The following CFAP47 variants were observed in gnomAD, a reference collection of about 807,000 sequenced individuals.
The protein encoded by CFAP47 is cilia- and flagella-associated protein 47.
In CFAP47, 29 loss-of-function variants were observed where a neutral mutation model predicts 148.1. The observed-to-expected ratio is 0.20, with a 90% CI of 0.15 to 0.27. CFAP47 has a LOEUF of 0.27. Ranked by LOEUF, CFAP47 falls within the 10% of genes least tolerant of loss-of-function variation. CFAP47 has a pLI of 1.00. For synonymous variants in CFAP47, 664 were observed against 577.3 expected (o/e 1.15, Z -2.15); for missense variants, 1,872 against 1,697.5 (o/e 1.10, Z -1.81).
intron 33 of CFAP47, among the ~76,000 whole-genome samples, chrX:36,121,298 G>A (rs1174280099): frequency 1.8e-5 from 2 of 110,122 alleles, no homozygotes; most frequent in Non-Finnish European, 3.8e-5. Flanking sequence ...ATTGAGTATT[G>A]TTTTTTATTA....
rs1263978041 is a variant in CFAP47 at position 35,972,022 on chromosome X, T to C, written c.2254+57T>C. Reference sequence around the variant, plus strand: ...TATTTTTTTATAAAAAAAAGATTTCTTAAAGTGTAATTTATATTTCATAAA... The same window carrying C: ...TATTTTTTTATAAAAAAAAGATTTCCTAAAGTGTAATTTATATTTCATAAA... On this transcript the variant is annotated intron_variant, in intron 13 of 63. Transcript: ENST00000378653. 6.6e-6 allele frequency: 5 copies of C among 759,225 alleles called. No individual in the cohort carries two copies. The Admixed American group carries it at 1.7e-4, about 26-fold the overall frequency. The allele number at this position is 759,225 out of a possible 1,213,427, so 62.6% of individuals were successfully genotyped here. A position where few individuals can be genotyped will look rare whatever the true frequency, so the allele number is the denominator to read the frequency against.
chrX:36,058,483 C>T (rs5973567), intron 26 of CFAP47, among the ~76,000 whole-genome samples: 9,138 of 111,148 alleles, frequency 0.082, 940 homozygotes, highest in African/African-American at 0.28. Flanking sequence ...TTTACCATTC[C>T]GAGTCTGTTA....
At chrX:36,195,908 A>G (rs1555987180) in intron 42 of CFAP47, among the ~76,000 whole-genome samples, 4 of 111,873 alleles carry the variant, frequency 3.6e-5, no homozygotes, top group Admixed American at 1.9e-4. Flanking sequence ...GTCTAAGGAC[A>G]GCTTCCAGGT....
chrX:36,031,107 G>A (rs1937273651), intron 22 of CFAP47, 146 bp from the exon 23 acceptor site: 1 of 243,563 alleles, frequency 4.1e-6, no homozygotes, highest in African/African-American at 2.9e-5. Context: ...GTTTTTAAAT[G>A]TTATTTTATT....
chrX:36,053,124 T>G (rs914942700), intron 26 of CFAP47, among the ~76,000 whole-genome samples: 1 of 111,893 alleles, frequency 8.9e-6, no homozygotes, highest in East Asian at 2.8e-4. Flanking sequence ...AAAATAAGTA[T>G]GTAGATATAT....
intron 62 of CFAP47, among the ~76,000 whole-genome samples, chrX:36,371,593 ATG>A (rs1317771168): frequency 4.2e-5 from 4 of 95,864 alleles, no homozygotes; most frequent in Admixed American, 2.3e-4. Flanking sequence ...ATGTGTATAC[ATG>A]TGTGTATATA....
intron 49 of CFAP47, among the ~76,000 whole-genome samples, chrX:36,257,677 G>A (rs1940770263): frequency 9.0e-6 from 1 of 111,089 alleles, no homozygotes; most frequent in Admixed American, 9.6e-5. Flanking sequence ...CCTGCCTTGG[G>A]TTCCCAAAGT....
intron 26 of CFAP47, among the ~76,000 whole-genome samples, chrX:36,061,662 G>A (rs1377681541): frequency 1.8e-5 from 2 of 112,433 alleles, no homozygotes; most frequent in African/African-American, 6.5e-5. Flanking sequence ...GAGAAAAATT[G>A]TAAATAGGTA....
At chrX:36,038,465 G>A (rs1254721434) in intron 24 of CFAP47, among the ~76,000 whole-genome samples, 1 of 111,915 alleles carries the variant, frequency 8.9e-6, no homozygotes, top group Non-Finnish European at 1.9e-5. Context: ...TATGGCATGG[G>A]AATTTCCTGT....
intron 22 of CFAP47, among the ~76,000 whole-genome samples, chrX:36,025,530 A>G (rs2146713856): frequency 9.0e-6 from 1 of 110,952 alleles, no homozygotes; most frequent in Non-Finnish European, 1.9e-5. Context: ...AGACCCAGCT[A>G]CTCAGGAGGC....
chrX:36,040,204 A>G (rs1024655052), intron 25 of CFAP47, among the ~76,000 whole-genome samples: 2 of 112,080 alleles, frequency 1.8e-5, no homozygotes, highest in African/African-American at 6.5e-5. Context: ...AATAACCTCT[A>G]TAGGTAAAGT....
chrX:36,146,028 C>CA (rs750017147), intron 36 of CFAP47, among the ~76,000 whole-genome samples: 17 of 106,850 alleles, frequency 1.6e-4, no homozygotes, highest in Middle Eastern at 4.9e-3. Context: ...CCTTTTTTGT[C>CA]AAAAAAAAAG....
chrX:36,142,158 C>T (rs58938201), intron 35 of CFAP47, among the ~76,000 whole-genome samples: 11,831 of 111,151 alleles, frequency 0.11, 1,223 homozygotes, highest in African/African-American at 0.32. Flanking sequence ...TTATATTTGG[C>T]GTCTTATTTG....
intron 24 of CFAP47, among the ~76,000 whole-genome samples, chrX:36,037,487 C>T (rs1021672334): frequency 1.3e-4 from 14 of 110,370 alleles, no homozygotes; most frequent in African/African-American, 4.6e-4. Context: ...CTCAGGCTCC[C>T]GAGTAGCTGG....
At chrX:35,932,277 T>A (rs1935841123) in intron 2 of CFAP47, among the ~76,000 whole-genome samples, 1 of 104,777 alleles carries the variant, frequency 9.5e-6, no homozygotes, top group Non-Finnish European at 1.9e-5. Context: ...TTTTTTTTTT[T>A]GAGATGGAGT....
At position 35,924,056 on chromosome X, in the gene CFAP47, T is replaced by C. The variant is rs188115026; in HGVS notation, c.250-1961T>C. 4.6e-3 allele frequency among the ~76,000 whole-genome samples: 439 copies of C among 95,573 alleles called. 10 individuals are homozygous for C. The highest frequency in any genetic ancestry group is 0.015 in the African/African-American group (348 of 23,252). The allele number at this position is 95,573 out of a possible 115,157, so 83.0% of individuals were successfully genotyped here. A position where few individuals can be genotyped will look rare whatever the true frequency, so the allele number is the denominator to read the frequency against. On this transcript the variant is annotated intron_variant, in intron 1 of 63. Transcript: ENST00000378653. ...GCACATATATGTGTATATGTACATG[T>C]ATGCGCACATATATGTATATATGTA...
chrX:35,952,815 A>T (rs750106098), intron 6 of CFAP47, among the ~76,000 whole-genome samples: 37 of 112,308 alleles, frequency 3.3e-4, no homozygotes, highest in Admixed American at 3.1e-3. Context: ...GAAATATTCT[A>T]TTCTTTTTTC....
chrX:36,227,743 G>T (rs782477369), intron 45 of CFAP47, among the ~76,000 whole-genome samples: 1 of 112,286 alleles, frequency 8.9e-6, no homozygotes, highest in East Asian at 2.8e-4. Context: ...TTAGGCGTCA[G>T]ATGTTTTTAA....
At chrX:36,024,294 G>A (rs1237828654) in intron 22 of CFAP47, among the ~76,000 whole-genome samples, 1 of 111,916 alleles carries the variant, frequency 8.9e-6, no homozygotes, top group Non-Finnish European at 1.9e-5. Flanking sequence ...TCCTGCTGCA[G>A]CTGAGCTCTT....
Sources: allele counts gnomAD v4.1 joint callset (sites outside exome capture counted in the v4.1 genomes callset), GRCh38; gene constraint gnomAD v4.1.1; transcripts MANE v1.5; gene names NCBI Gene and HGNC (gene_info 2026-07-23, HGNC 2026-07-21).